The following ANXA11 variants were observed in gnomAD, a reference collection of about 807,000 sequenced individuals.
The protein encoded by ANXA11 is 56 kDa autoantigen.
A neutral mutation model predicts 64.7 loss-of-function variants in ANXA11; 57 were observed. The ratio of observed to expected loss-of-function variants is 0.88; its 90% CI spans 0.71 to 1.10. ANXA11 has a LOEUF of 1.10. ANXA11 is among the 50% of genes least tolerant of loss of function. ANXA11 has a pLI of 0.00. For synonymous variants in ANXA11, 260 were observed against 265.2 expected, an observed-to-expected ratio of 0.98 and a Z score of 0.19; for missense variants, 675 against 670.7, an observed-to-expected ratio of 1.01 and a Z score of -0.07.
intron 7 of ANXA11, chr10:80,166,521 C>T (rs1845747704): frequency 4.6e-6 from 2 of 437,308 alleles, no homozygotes; most frequent in South Asian, 2.6e-5. Context: ...TGCTCATACA[C>T]GCCCCTCGTA....
rs549122387 is a variant in ANXA11, at chr10:80,179,811, A to C, written c.-57-3656T>G. ...TACAAACTGCATGCTTTTTACAAAT[A>C]GTAGTGGTCCTTCCATCCAGCCTGC... On this transcript the variant is annotated intron_variant, in intron 1 of 15. Transcript: ENST00000422982. Among the ~76,000 whole-genome samples the C allele has an allele frequency of 1.6e-4, 25 of 152,332 alleles. No homozygotes were observed. The South Asian group carries it at 5.2e-3, about 32-fold the overall frequency.
intron 11 of ANXA11, among the ~76,000 whole-genome samples, chr10:80,162,324 A>G (rs1435287304): frequency 6.6e-6 from 1 of 152,242 alleles, no homozygotes. Flanking sequence ...GTGGCATGCA[A>G]AACTCTCGCT....
chr10:80,188,540 G>A (rs1197463088), intron 1 of ANXA11, among the ~76,000 whole-genome samples: 1 of 136,502 alleles, frequency 7.3e-6, no homozygotes, highest in East Asian at 2.2e-4. Flanking sequence ...GCACACAGCA[G>A]GTGCTCAGTT....
chr10:80,196,711 C>T (rs969153692), intron 1 of ANXA11, among the ~76,000 whole-genome samples: 5 of 152,204 alleles, frequency 3.3e-5, no homozygotes, highest in Non-Finnish European at 1.5e-5. Context: ...CAGCACTCCA[C>T]CAACCCTGAC....
At position 80,155,767 on chromosome 10, in the gene ANXA11, G is replaced by C. The variant is rs1845248844; in HGVS notation, c.*86C>G. ...ACGGTGAATCTCGGGGCTATTTGTGGATTTGTTAGAAACAGACATTCTTTT... is the reference window on the plus strand; with the variant it reads ...ACGGTGAATCTCGGGGCTATTTGTGCATTTGTTAGAAACAGACATTCTTTT... On this transcript the variant is annotated 3_prime_UTR_variant, in exon 16 of 16. Transcript: ENST00000422982. 2.3e-6 allele frequency: 3 copies of C among 1,309,840 alleles called. No individual in the cohort carries two copies. In the Admixed American group the frequency reaches 5.1e-5, roughly 22 times the overall value. The allele number at this position is 1,309,840 out of a possible 1,614,324, so 81.1% of individuals were successfully genotyped here.
chr10:80,160,208 G>A (rs994465100), intron 12 of ANXA11, among the ~76,000 whole-genome samples: 1 of 152,198 alleles, frequency 6.6e-6, no homozygotes, highest in Admixed American at 6.5e-5. Flanking sequence ...AATAATGTTT[G>A]TGAAGCCATG....
chr10:80,161,105 T>C (rs1845485187), intron 12 of ANXA11, among the ~76,000 whole-genome samples: 1 of 152,116 alleles, frequency 6.6e-6, no homozygotes, highest in African/African-American at 2.4e-5. Flanking sequence ...CCTCCTCTGC[T>C]CAGGGCCCTC....
Position 80,167,235 on chromosome 10 carries a change from T to C in ANXA11, c.640A>G (p.Lys214Glu). The change falls in exon 6 of 16, where the codon AAA (lysine) becomes GAA (glutamate). Residue 214 changes from lysine (K) to glutamate (E), a missense_variant. Coordinates refer to ENST00000422982, the MANE Select transcript of ANXA11 (RefSeq NM_145868.2). ...RDAEVLRKAM[K>E]GFGTDEQAII... ...ACCCAGGGTCTCTTACCGAAGCCTT[T>C]CATGGCCTTCCGCAGGACCTCGGCA... 1 of 1,614,088 alleles carries C rather than the reference T, an allele frequency of 6.2e-7. No individual in the cohort carries two copies. The highest frequency in any genetic ancestry group is 8.5e-7 in the Non-Finnish European group (1 of 1,179,994).
At chr10:80,175,822 C>T (rs758595743) in intron 2 of ANXA11, among the ~76,000 whole-genome samples, 2 of 152,032 alleles carry the variant, frequency 1.3e-5, no homozygotes, top group Non-Finnish European at 1.5e-5. Flanking sequence ...TTTGGGAGGC[C>T]GAGGTGGGCA....
At chr10:80,171,781 G>T in intron 3 of ANXA11, 2 of 985,572 alleles carry the variant, frequency 2.0e-6, no homozygotes. Context: ...CTCTCTTGCT[G>T]CTCAGAGGCT....
intron 3 of ANXA11, chr10:80,171,835 G>C: frequency 1.0e-6 from 1 of 985,510 alleles, no homozygotes; most frequent in Non-Finnish European, 1.2e-6. Flanking sequence ...GATCTGGATG[G>C]CAGGATTTCT....
At position 80,175,511 on chromosome 10, in the gene ANXA11, A is replaced by C. The variant is rs1181223881; in HGVS notation, c.-9+596T>G. On this transcript the variant is annotated intron_variant, in intron 2 of 15. Coordinates refer to ENST00000422982, the MANE Select transcript of ANXA11 (RefSeq NM_145868.2). ...TCCTTATACCAAGTAAATTCCAGCC[A>C]GGCCAAATAATGCAGTGAAAGAAGT... 1.1e-4 allele frequency among the ~76,000 whole-genome samples: 17 copies of C among 152,316 alleles called. No individual in the cohort carries two copies. The East Asian group carries it at 3.3e-3, about 29-fold the overall frequency.
chr10:80,165,547 C>A (rs1355565488), intron 8 of ANXA11, among the ~76,000 whole-genome samples: 1 of 152,162 alleles, frequency 6.6e-6, no homozygotes, highest in Non-Finnish European at 1.5e-5. Flanking sequence ...CCCTCTCCCA[C>A]CCCACATGAA....
At chr10:80,178,482 T>C (rs1235364091) in intron 1 of ANXA11, among the ~76,000 whole-genome samples, 1 of 152,236 alleles carries the variant, frequency 6.6e-6, no homozygotes, top group Non-Finnish European at 1.5e-5. Context: ...TCTGGGGACC[T>C]TCTGGCCTCT....
At chr10:80,158,826 G>A (rs3851053) in intron 13 of ANXA11, among the ~76,000 whole-genome samples, 49,301 of 152,016 alleles carry the variant, frequency 0.32, 8,107 homozygotes, top group East Asian at 0.4. Context: ...AGCGCAGTTG[G>A]ATGCCCTCCC....
At chr10:80,204,454 C>T (rs892460148) in intron 1 of ANXA11, among the ~76,000 whole-genome samples, 5 of 152,196 alleles carry the variant, frequency 3.3e-5, no homozygotes, top group Admixed American at 1.3e-4. Context: ...GGGGCTCGGC[C>T]TCACAGCTCC....
At chr10:80,189,403 A>G (rs1227180524) in intron 1 of ANXA11, among the ~76,000 whole-genome samples, 2 of 152,222 alleles carry the variant, frequency 1.3e-5, no homozygotes, top group Non-Finnish European at 2.9e-5. Context: ...AAAGACCCTG[A>G]GATAAAACTG....
chr10:80,189,858 A>G (rs1564623726), intron 1 of ANXA11, among the ~76,000 whole-genome samples: 1 of 152,254 alleles, frequency 6.6e-6, no homozygotes, highest in African/African-American at 2.4e-5. Flanking sequence ...AAAGGTGGAA[A>G]CAACTCAAGT....
chr10:80,186,840 A>C (rs1301661833), intron 1 of ANXA11, among the ~76,000 whole-genome samples: 1 of 152,214 alleles, frequency 6.6e-6, no homozygotes, highest in Non-Finnish European at 1.5e-5. Context: ...CCTCCATGGC[A>C]GGCTTCCCTG....
Sources: gnomAD v4.1 joint callset for allele counts (sites outside exome capture counted in the v4.1 genomes callset) on GRCh38, gnomAD v4.1.1 for gene constraint, MANE v1.5 for transcripts, NCBI Gene and HGNC (gene_info 2026-07-23, HGNC 2026-07-21) for gene names.